HECW2: variants seen among roughly 807,000 people sequenced by gnomAD.
The protein encoded by HECW2 is E3 ubiquitin-protein ligase HECW2.
HECW2 carries 61 observed loss-of-function variants against 175.2 expected under a neutral mutation model. That is an observed-to-expected ratio of 0.35 (90% CI 0.28 to 0.43). The LOEUF (loss-of-function observed/expected upper bound fraction) is 0.43, where lower values mean the gene tolerates loss of function less well. HECW2 is among the 20% of genes least tolerant of loss of function. HECW2 has a pLI of 1.00. For synonymous variants in HECW2, 671 were observed against 731.0 expected, an observed-to-expected ratio of 0.92 and a Z score of 1.32; for missense variants, 1,524 against 2,000.5, an observed-to-expected ratio of 0.76 and a Z score of 4.54.
intron 1 of HECW2, among the ~76,000 whole-genome samples, chr2:196,507,313 C>T (rs1687801599): frequency 6.6e-6 from 1 of 151,868 alleles, no homozygotes; most frequent in South Asian, 2.1e-4. Context: ...TAATACCCAA[C>T]ATATACAGAG....
intron 1 of HECW2, among the ~76,000 whole-genome samples, chr2:196,527,021 C>G (rs10194595): frequency 2.0e-5 from 3 of 152,138 alleles, no homozygotes; most frequent in Admixed American, 6.5e-5. Context: ...TGGAGCTTCC[C>G]GGCTGCTTTG....
chr2:196,555,203 GA>G (rs1460618375), intron 1 of HECW2, among the ~76,000 whole-genome samples: 2 of 152,130 alleles, frequency 1.3e-5, no homozygotes, highest in South Asian at 2.1e-4. Context: ...ATTAGCAACA[GA>G]AATGTATTTA....
chr2:196,571,472 G>A (rs750214961), intron 1 of HECW2, among the ~76,000 whole-genome samples: 1 of 152,124 alleles, frequency 6.6e-6, no homozygotes, highest in Non-Finnish European at 1.5e-5. Context: ...ACTTTCGGAG[G>A]CCAAGGTGGG....
At chr2:196,396,689 T>A (rs1467057610) in intron 2 of HECW2, among the ~76,000 whole-genome samples, 2 of 152,166 alleles carry the variant, frequency 1.3e-5, no homozygotes, top group Non-Finnish European at 2.9e-5. Flanking sequence ...TCTGAAATGT[T>A]AACAGAGATC....
At chr2:196,436,450 G>C (rs1695878636) in intron 1 of HECW2, among the ~76,000 whole-genome samples, 1 of 151,482 alleles carries the variant, frequency 6.6e-6, no homozygotes, top group Non-Finnish European at 1.5e-5. Context: ...CACCAGTAGT[G>C]GGTTCATCGT....
At chr2:196,504,433 C>T (rs1687683838) in intron 1 of HECW2, among the ~76,000 whole-genome samples, 1 of 152,122 alleles carries the variant, frequency 6.6e-6, no homozygotes, top group Admixed American at 6.5e-5. Context: ...ATGATCCTAC[C>T]TGACTGAGGC....
intron 1 of HECW2, among the ~76,000 whole-genome samples, chr2:196,549,327 C>T (rs539448189): frequency 2.6e-5 from 4 of 152,312 alleles, no homozygotes; most frequent in African/African-American, 4.8e-5. Context: ...GTCTCACTAT[C>T]GTTACTTTAA....
intron 1 of HECW2, among the ~76,000 whole-genome samples, chr2:196,439,887 A>G (rs1342447070): frequency 6.6e-6 from 1 of 152,234 alleles, no homozygotes; most frequent in African/African-American, 2.4e-5. Flanking sequence ...CTGTTGGCAG[A>G]AGACGGATTT....
intron 2 of HECW2, among the ~76,000 whole-genome samples, chr2:196,364,223 G>A (rs887243751): frequency 2.0e-5 from 3 of 152,116 alleles, no homozygotes; most frequent in African/African-American, 4.8e-5. Context: ...GATTACCCAC[G>A]TATTACCAAC....
At chr2:196,382,391 T>G (rs1198041649) in intron 2 of HECW2, among the ~76,000 whole-genome samples, 1 of 152,124 alleles carries the variant, frequency 6.6e-6, no homozygotes, top group Non-Finnish European at 1.5e-5. Context: ...GTCAAACTAC[T>G]TCTTTGCATT....
At chr2:196,214,002 T>C (rs1232343306) in intron 28 of HECW2, among the ~76,000 whole-genome samples, 1 of 152,156 alleles carries the variant, frequency 6.6e-6, no homozygotes, top group Non-Finnish European at 1.5e-5. Context: ...CTCTTTCCAA[T>C]ATGCAAATAT....
intron 2 of HECW2, among the ~76,000 whole-genome samples, chr2:196,356,788 ATC>A (rs1308749825): frequency 1.3e-5 from 2 of 152,218 alleles, no homozygotes; most frequent in East Asian, 3.8e-4. Context: ...GTTACTGTTA[ATC>A]TCTTACTGTG....
chr2:196,376,170 GAAGTACTTCAT>G (rs1386679837), intron 2 of HECW2, among the ~76,000 whole-genome samples: 1 of 152,180 alleles, frequency 6.6e-6, no homozygotes, highest in Non-Finnish European at 1.5e-5. Flanking sequence ...CCAGAAGTGT[GAAGTACTTCAT>G]AACTTATTGG....
rs554067887 is a variant in HECW2 at position 196,302,949 on chromosome 2, T to C, written c.2814+3539A>G. ...GCCCTGGCCAGAACTTCCAATACTA[T>C]GTTGAATAGGAGTGGTGGCAGAGAG... On this transcript the variant is annotated intron_variant, in intron 13 of 28. Coordinates refer to ENST00000644978, the MANE Select transcript of HECW2 (RefSeq NM_001348768.2). Among the ~76,000 whole-genome samples, 49 of 152,336 alleles carry C rather than the reference T, an allele frequency of 3.2e-4. 1 individual carries two copies. In the South Asian group the frequency reaches 0.01, roughly 32 times the overall value.
At chr2:196,563,726 A>G (rs1690085478) in intron 1 of HECW2, among the ~76,000 whole-genome samples, 1 of 152,224 alleles carries the variant, frequency 6.6e-6, no homozygotes, top group South Asian at 2.1e-4. Context: ...CTGATCATCA[A>G]GTATTAAATA....
At chr2:196,452,181 A>T (rs1006852026) in intron 1 of HECW2, among the ~76,000 whole-genome samples, 1 of 152,202 alleles carries the variant, frequency 6.6e-6, no homozygotes. Context: ...CTAAAATGAG[A>T]TATGCTGCAA....
chr2:196,552,224 A>G (rs1440026790), intron 1 of HECW2, among the ~76,000 whole-genome samples: 1 of 152,232 alleles, frequency 6.6e-6, no homozygotes, highest in East Asian at 1.9e-4. Context: ...TTGTAAATCA[A>G]ACTTAAAGCT....
chr2:196,407,170 A>C (rs1229358076), intron 2 of HECW2, among the ~76,000 whole-genome samples: 9 of 152,124 alleles, frequency 5.9e-5, no homozygotes, highest in Admixed American at 2.6e-4. Context: ...AAATAAAAAT[A>C]ATATACTTAG....
At chr2:196,529,082 C>G (rs887334129) in intron 1 of HECW2, among the ~76,000 whole-genome samples, 1 of 152,322 alleles carries the variant, frequency 6.6e-6, no homozygotes, top group East Asian at 1.9e-4. Context: ...AGAAGCCACA[C>G]CACATGGAAT....
Sources: allele counts gnomAD v4.1 joint callset (sites outside exome capture counted in the v4.1 genomes callset), GRCh38; gene constraint gnomAD v4.1.1; transcripts MANE v1.5; gene names NCBI Gene and HGNC (gene_info 2026-07-23, HGNC 2026-07-21).